PTPRD: variants seen among roughly 807,000 people sequenced by gnomAD.
PTPRD encodes receptor-type tyrosine-protein phosphatase delta.
PTPRD carries 34 observed loss-of-function variants against 214.5 expected under a neutral mutation model. The ratio of observed to expected loss-of-function variants is 0.16; its 90% confidence interval spans 0.12 to 0.21. The LOEUF is 0.21. Among genes scored for constraint, PTPRD ranks in the 10% least tolerant of loss-of-function variants. The probability of loss-of-function intolerance (pLI) is 1.00; values close to 1 mark genes in which losing one functional copy is unlikely to be tolerated. For synonymous variants in PTPRD, 1,128 were observed against 845.7 expected, an observed-to-expected ratio of 1.33 and a Z score of -5.79; for missense variants, 2,545 against 2,398.7, an observed-to-expected ratio of 1.06 and a Z score of -1.27.
chr9:10,116,735 C>G (rs955658724), intron 3 of PTPRD, among the ~76,000 whole-genome samples: 2 of 152,084 alleles, frequency 1.3e-5, no homozygotes, highest in Non-Finnish European at 2.9e-5. Flanking sequence ...TCCAAAGGCT[C>G]CCCATTGGCT....
chr9:9,193,639 A>T (rs2099936575), intron 9 of PTPRD, among the ~76,000 whole-genome samples: 1 of 152,160 alleles, frequency 6.6e-6, no homozygotes, highest in African/African-American at 2.4e-5. Flanking sequence ...GTATTTTTGT[A>T]TCTAAACATA....
chr9:8,536,061 A>AT (rs138210418), intron 14 of PTPRD, among the ~76,000 whole-genome samples: 1 of 151,850 alleles, frequency 6.6e-6, no homozygotes, highest in Non-Finnish European at 1.5e-5. Context: ...TATCATTATC[A>AT]TTTTTTTGTG....
chr9:8,635,151 C>T lies in PTPRD; in HGVS notation c.210+1548G>A, dbSNP rs557779507. 2.0e-5 allele frequency among the ~76,000 whole-genome samples: 3 copies of T among 149,548 alleles called. No individual in the cohort carries two copies. The South Asian group carries it at 6.3e-4, about 31-fold the overall frequency. On this transcript the variant is annotated intron_variant, in intron 13 of 45. Transcript: ENST00000381196. ...GACTTGATACAGTTTGATGAAGCTG[C>T]TTTGGGTAAAAATAATTCATTTACC...
chr9:9,673,896 C>A (rs867612974), intron 7 of PTPRD, among the ~76,000 whole-genome samples: 1 of 151,562 alleles, frequency 6.6e-6, no homozygotes, highest in South Asian at 2.1e-4. Flanking sequence ...TTAAAGTACT[C>A]GATAGAAGTA....
At chr9:10,068,240 T>A (rs1166867162) in intron 3 of PTPRD, among the ~76,000 whole-genome samples, 1 of 151,920 alleles carries the variant, frequency 6.6e-6, no homozygotes, top group Non-Finnish European at 1.5e-5. Context: ...ATCTGCCATT[T>A]GCTGGATAAC....
chr9:9,692,076 T>A (rs1197285103), intron 7 of PTPRD, among the ~76,000 whole-genome samples: 1 of 147,974 alleles, frequency 6.8e-6, no homozygotes, highest in Admixed American at 6.8e-5. Context: ...CTGTGTGTTG[T>A]CTCTTCGCTT....
At chr9:8,548,423 C>T (rs1199097671) in intron 14 of PTPRD, among the ~76,000 whole-genome samples, 2 of 151,866 alleles carry the variant, frequency 1.3e-5, no homozygotes, top group Non-Finnish European at 2.9e-5. Flanking sequence ...GCTGTACTGC[C>T]GTGGCACAAT....
chr9:10,293,826 T>A (rs2154401892), intron 3 of PTPRD, among the ~76,000 whole-genome samples: 1 of 152,062 alleles, frequency 6.6e-6, no homozygotes, highest in Admixed American at 6.6e-5. Context: ...GACACCAAGG[T>A]GAGACATGGA....
At chr9:8,813,837 A>C (rs914398526) in intron 11 of PTPRD, among the ~76,000 whole-genome samples, 5 of 152,242 alleles carry the variant, frequency 3.3e-5, no homozygotes, top group African/African-American at 1.2e-4. Flanking sequence ...TGGCTTACTG[A>C]GGAAGAAATT....
At chr9:9,080,348 A>G (rs526677) in intron 10 of PTPRD, among the ~76,000 whole-genome samples, 95,093 of 151,364 alleles carry the variant, frequency 0.63, 30,743 homozygotes, top group Non-Finnish European at 0.71. Context: ...GTAATTTAAA[A>G]CGGTTGTGCT....
chr9:9,555,570 G>C (rs907871882), intron 8 of PTPRD, among the ~76,000 whole-genome samples: 1 of 152,008 alleles, frequency 6.6e-6, no homozygotes, highest in African/African-American at 2.4e-5. Flanking sequence ...CATTATTGTA[G>C]GATGGAAAGC....
At chr9:9,063,657 G>A (rs934340559) in intron 10 of PTPRD, among the ~76,000 whole-genome samples, 3 of 152,156 alleles carry the variant, frequency 2.0e-5, no homozygotes, top group African/African-American at 4.8e-5. Context: ...CATACAGTGA[G>A]TGAAAAACCA....
At chr9:9,466,566 CTG>C (rs1269675165) in intron 8 of PTPRD, among the ~76,000 whole-genome samples, 1 of 152,114 alleles carries the variant, frequency 6.6e-6, no homozygotes, top group East Asian at 1.9e-4. Flanking sequence ...AAACACAAAT[CTG>C]TGTTTCATAC....
At chr9:9,381,325 C>A (rs1463680506) in intron 9 of PTPRD, among the ~76,000 whole-genome samples, 1 of 149,016 alleles carries the variant, frequency 6.7e-6, no homozygotes, top group Non-Finnish European at 1.5e-5. Flanking sequence ...TTATACGATT[C>A]AATTTTCTCT....
intron 38 of PTPRD, 96 bp downstream of exon 38, chr9:8,376,511 G>C: frequency 6.4e-7 from 1 of 1,551,948 alleles, no homozygotes; most frequent in South Asian, 1.2e-5. Flanking sequence ...TTGAGATCAA[G>C]ATTTAAGTAA....
In PTPRD at chr9:8,777,680, G is replaced by A. The variant is rs544747607; in HGVS notation, c.-103-43734C>T. ...AATGACACATCTGTAAACATTCAGT[G>A]GTATGAAGGTCAGTGATAAAAGAGA... On this transcript the variant is annotated intron_variant, in intron 11 of 45. Transcript: ENST00000381196. 4.6e-5 allele frequency among the ~76,000 whole-genome samples: 7 copies of A among 152,180 alleles called. No individual in the cohort carries two copies. In the East Asian group the frequency reaches 1.4e-3, roughly 29 times the overall value.
At chr9:9,841,192 G>T (rs553384972) in intron 5 of PTPRD, among the ~76,000 whole-genome samples, 1 of 152,220 alleles carries the variant, frequency 6.6e-6, no homozygotes, top group African/African-American at 2.4e-5. Context: ...TCATACTGGG[G>T]GATAGGAGTA....
At chr9:10,141,605 T>C (rs1048915559) in intron 3 of PTPRD, among the ~76,000 whole-genome samples, 1 of 151,768 alleles carries the variant, frequency 6.6e-6, no homozygotes, top group African/African-American at 2.4e-5. Flanking sequence ...TAAAAGAGGA[T>C]ACAAACAAAT....
chr9:9,007,729 C>CT (rs143276661), intron 11 of PTPRD, among the ~76,000 whole-genome samples: 80 of 128,330 alleles, frequency 6.2e-4, no homozygotes, highest in South Asian at 9.9e-4. Context: ...TTACTTGGAT[C>CT]CTTTTTTTTT....
Sources: allele counts gnomAD v4.1 joint callset (sites outside exome capture counted in the v4.1 genomes callset), GRCh38; gene constraint gnomAD v4.1.1; transcripts MANE v1.5; gene names NCBI Gene and HGNC (gene_info 2026-07-23, HGNC 2026-07-21).